NELL1: variants seen among roughly 807,000 people sequenced by gnomAD.
The protein encoded by NELL1 is neural EGFL like 1.
In NELL1, 76 loss-of-function variants were observed where a neutral mutation model predicts 107.4. The observed-to-expected ratio is 0.71, with a 90% CI of 0.59 to 0.86. The LOEUF is 0.86. NELL1 is among the 40% of genes least tolerant of loss of function. NELL1 has a pLI of 0.00. For synonymous variants in NELL1, 353 were observed against 341.2 expected (o/e 1.03, Z -0.38); for missense variants, 1,024 against 1,005.5 (o/e 1.02, Z -0.25).
rs562018119 is a variant in NELL1 at position 21,144,329 on chromosome 11, T to C, written c.1426+30615T>C. Among the ~76,000 whole-genome samples, 270 of 152,304 alleles carry C rather than the reference T, an allele frequency of 1.8e-3. 5 individuals carry two copies. The South Asian group carries it at 0.054, about 30-fold the overall frequency. ...CCACTGTTTTTCTTACACATTTGTA[T>C]CTAAGGACAGTTGCATTCTGATTGA... is the stretch of plus-strand genomic sequence containing the variant. On this transcript the variant is annotated intron_variant, in intron 13 of 19. Transcript: ENST00000357134.
At chr11:20,810,617 T>G (rs1348669911) in intron 3 of NELL1, among the ~76,000 whole-genome samples, 1 of 152,242 alleles carries the variant, frequency 6.6e-6, no homozygotes, top group Non-Finnish European at 1.5e-5. Context: ...CATTTGTTGA[T>G]TGATGGGCAT....
At chr11:21,254,025 G>A (rs1858707301) in intron 14 of NELL1, among the ~76,000 whole-genome samples, 1 of 152,064 alleles carries the variant, frequency 6.6e-6, no homozygotes, top group South Asian at 2.1e-4. Context: ...GGTTTGCAGA[G>A]GGACATGTGG....
rs748110799 is a variant in NELL1 at position 20,677,985 on chromosome 11, G to T, written c.109G>T (p.Asp37Tyr). 1.4e-5 allele frequency: 23 copies of T among 1,614,074 alleles called. No homozygotes were observed. The highest frequency in any genetic ancestry group is 1.6e-4 in the Middle Eastern group (1 of 6,062). ...DLQMDIVTEL[D>Y]LVNTTLGVAQ... Reference sequence around the variant, plus strand: ...TCAGATGGATATCGTCACCGAGCTTGACCTTGTGAACACCACCCTTGGAGT... The same window carrying T: ...TCAGATGGATATCGTCACCGAGCTTTACCTTGTGAACACCACCCTTGGAGT... Residue 37 changes from aspartate to tyrosine, a missense_variant, in exon 2 of 20, where the codon GAC becomes TAC. By Grantham distance (160) the Asp-to-Tyr change is radical. Transcript: ENST00000357134.
At chr11:20,904,573 G>A (rs1225492165) in intron 5 of NELL1, among the ~76,000 whole-genome samples, 4 of 152,144 alleles carry the variant, frequency 2.6e-5, no homozygotes, top group Non-Finnish European at 4.4e-5. Flanking sequence ...AAAATCACCT[G>A]TGTGTTCAAG....
At chr11:20,762,539 G>A (rs112082251) in intron 2 of NELL1, among the ~76,000 whole-genome samples, 149 of 152,206 alleles carry the variant, frequency 9.8e-4, no homozygotes, top group Non-Finnish European at 1.8e-3. Context: ...AAATCTCCCC[G>A]ATAATTCATT....
intron 17 of NELL1, among the ~76,000 whole-genome samples, chr11:21,563,288 C>A (rs928067895): frequency 6.6e-6 from 1 of 152,020 alleles, no homozygotes; most frequent in African/African-American, 2.4e-5. Flanking sequence ...AAGGTAGAGA[C>A]GTCCCCAGCT....
rs764899112 is a variant in NELL1 at position 20,960,588 on chromosome 11, T to G, written c.1300+28T>G. On this transcript the variant is annotated intron_variant, in intron 12 of 19. Coordinates refer to ENST00000357134, the MANE Select transcript of NELL1 (RefSeq NM_006157.5). ...AAGTAAGCTATTTAATGAAGTCACT[T>G]GTGAGAGGTTGACTGAGAAGTGTAT... 12 of 1,612,682 alleles carry G rather than the reference T, an allele frequency of 7.4e-6. No homozygotes were observed. In the African/African-American group the frequency reaches 1.6e-4, roughly 22 times the overall value.
intron 17 of NELL1, among the ~76,000 whole-genome samples, chr11:21,565,998 A>AGGTTTTTTTT (rs1554935883): frequency 6.6e-6 from 1 of 152,094 alleles, no homozygotes; most frequent in East Asian, 1.9e-4. Flanking sequence ...GGCATCAGCA[A>AGGTTTTTTTT]GGTTTTTTTC....
At chr11:20,891,362 A>G (rs140418151) in intron 5 of NELL1, among the ~76,000 whole-genome samples, 274 of 152,296 alleles carry the variant, frequency 1.8e-3, no homozygotes, top group African/African-American at 6.3e-3. Context: ...GCTGAAAGAA[A>G]CAATAAATAT....
intron 9 of NELL1, among the ~76,000 whole-genome samples, chr11:20,933,785 A>T (rs1318024152): frequency 6.6e-6 from 1 of 152,208 alleles, no homozygotes; most frequent in Admixed American, 6.5e-5. Context: ...AAAATTGTCC[A>T]ATCATTGCAC....
rs1282354963 is a variant in NELL1, at chr11:21,534,415, C to A, written c.1687C>A (p.His563Asn). 1.9e-6 allele frequency: 3 copies of A among 1,613,864 alleles called. No homozygotes were observed. The highest frequency in any genetic ancestry group is 2.7e-5 in the African/African-American group (2 of 75,022). The change falls in exon 16 of 20, where the codon CAT (histidine) becomes AAT (asparagine). Residue 563 changes from histidine to asparagine, a missense_variant. His to Asn is a moderately conservative substitution (Grantham distance 68). Coordinates refer to ENST00000357134, the MANE Select transcript of NELL1 (RefSeq NM_006157.5). ...CSEGIIECHN[H>N]SRCVNLPGWY... ...AGAGGGAATCATTGAGTGCCACAAC[C>A]ATTCCCGCTGCGTTAACCTGCCAGG... is the stretch of plus-strand genomic sequence containing the variant.
At chr11:20,842,711 A>G (rs1238608610) in intron 3 of NELL1, among the ~76,000 whole-genome samples, 1 of 152,190 alleles carries the variant, frequency 6.6e-6, no homozygotes. Context: ...TAAAATAGGG[A>G]TGATAATAGT....
chr11:20,851,812 G>A (rs755865173), intron 4 of NELL1, among the ~76,000 whole-genome samples: 3 of 152,146 alleles, frequency 2.0e-5, no homozygotes, highest in African/African-American at 4.8e-5. Flanking sequence ...TTTTAACTTC[G>A]TTCTGAAACC....
chr11:21,081,629 A>T (rs760229660), intron 12 of NELL1, among the ~76,000 whole-genome samples: 4 of 152,154 alleles, frequency 2.6e-5, no homozygotes, highest in Non-Finnish European at 5.9e-5. Flanking sequence ...TCTTGACTTC[A>T]TCTAGCAAGT....
chr11:20,853,117 G>C (rs1311884850), intron 4 of NELL1, among the ~76,000 whole-genome samples: 1 of 152,176 alleles, frequency 6.6e-6, no homozygotes, highest in African/African-American at 2.4e-5. Context: ...CATGAGTCAG[G>C]CTTAGAACAA....
At position 20,748,911 on chromosome 11, in the gene NELL1, C is replaced by CCCATCCAT. The variant is rs71063663; in HGVS notation, c.185-34728_185-34721dup. Among the ~76,000 whole-genome samples the CCCATCCAT allele has an allele frequency of 1.2e-3, 170 of 144,014 alleles. 2 individuals are homozygous for CCCATCCAT. Among genetic ancestry groups the CCCATCCAT allele is most frequent in the African/African-American group, 3.6e-3 (137 of 38,364 alleles). 94.5% of individuals were successfully genotyped at this position (144,014 alleles called of 152,430 possible). A position where few individuals can be genotyped will look rare whatever the true frequency, so the allele number is the denominator to read the frequency against. ...ATCCATCCATCCATCCACCCAGCCA[C>CCCATCCAT]CCATCCATCCATCCATCCATCCATC... On this transcript the variant is annotated intron_variant, in intron 2 of 19. Transcript: ENST00000357134.
At chr11:21,220,874 T>C (rs1436463487) in intron 13 of NELL1, among the ~76,000 whole-genome samples, 6 of 152,204 alleles carry the variant, frequency 3.9e-5, no homozygotes, top group Non-Finnish European at 8.8e-5. Flanking sequence ...TTCCCTTGTC[T>C]AATTGCTCTG....
chr11:20,979,491 C>A (rs914509283), intron 12 of NELL1, among the ~76,000 whole-genome samples: 1 of 152,114 alleles, frequency 6.6e-6, no homozygotes, highest in African/African-American at 2.4e-5. Flanking sequence ...ATGAAATAAT[C>A]TTTGCTCTGA....
intron 14 of NELL1, among the ~76,000 whole-genome samples, chr11:21,304,932 A>G (rs946801784): frequency 6.6e-6 from 1 of 152,038 alleles, no homozygotes; most frequent in African/African-American, 2.4e-5. Flanking sequence ...ACAAGAAACA[A>G]GAAGACATTG....
Sources: gnomAD v4.1 joint callset for allele counts (sites outside exome capture counted in the v4.1 genomes callset) on GRCh38, gnomAD v4.1.1 for gene constraint, MANE v1.5 for transcripts, NCBI Gene and HGNC (gene_info 2026-07-23, HGNC 2026-07-21) for gene names.